Variants in NHS observed in about 807,000 individuals in gnomAD.
The protein encoded by NHS is NHS actin remodeling regulator.
In NHS, 5 loss-of-function variants were observed where a neutral mutation model predicts 72.5. The observed-to-expected ratio is 0.07, with a 90% CI of 0.04 to 0.14. NHS has a LOEUF of 0.14. Ranked by LOEUF, NHS falls within the 10% of genes least tolerant of loss-of-function variation. The pLI, the probability that NHS is intolerant of heterozygous loss-of-function variation, is 1.00. For synonymous variants in NHS, 464 were observed against 547.7 expected (o/e 0.85, Z 2.13); for missense variants, 1,072 against 1,355.7 (o/e 0.79, Z 3.29).
intron 1 of NHS, among the ~76,000 whole-genome samples, chrX:17,662,361 C>T (rs1267802646): frequency 3.6e-5 from 4 of 111,795 alleles, no homozygotes; most frequent in Non-Finnish European, 7.5e-5. Context: ...TTACAACATC[C>T]CCCAAAGTTG....
At chrX:17,480,541 C>T (rs2064942134) in intron 1 of NHS, among the ~76,000 whole-genome samples, 1 of 111,932 alleles carries the variant, frequency 8.9e-6, no homozygotes, top group Non-Finnish European at 1.9e-5. Flanking sequence ...AAAGGATTCC[C>T]TATTTAATAA....
intron 1 of NHS, chrX:17,557,326 G>GATATATATATAT (rs61711287): frequency 5.2e-4 from 50 of 96,106 alleles, no homozygotes; most frequent in African/African-American, 1.5e-3. Flanking sequence ...GAGATTCTGT[G>GATATATATATAT]ATATATATAT....
chrX:17,724,840 T>C (rs773526086), intron 6 of NHS, among the ~76,000 whole-genome samples: 2 of 112,268 alleles, frequency 1.8e-5, no homozygotes, highest in African/African-American at 3.2e-5. Context: ...ATATTGAATA[T>C]TGATAATATG....
At chrX:17,447,352 G>A (rs916547494) in intron 1 of NHS, among the ~76,000 whole-genome samples, 7 of 111,313 alleles carry the variant, frequency 6.3e-5, no homozygotes, top group South Asian at 3.8e-4. Flanking sequence ...TTAATTTTAC[G>A]AAATAATTCA....
chrX:17,698,636 AAGACAGTCAGACCAATATCACTCATG>A, intron 3 of NHS, among the ~76,000 whole-genome samples: 1 of 112,133 alleles, frequency 8.9e-6, no homozygotes, highest in East Asian at 2.8e-4. Context: ...TGAACTGATA[AAGACAGTCAGACCAATATCACTCATG>A]ATTATTGATT....
chrX:17,456,818 A>G lies in NHS; in HGVS notation c.565+80496A>G, dbSNP rs191228261. Among the ~76,000 whole-genome samples the G allele has an allele frequency of 1.6e-4, 18 of 111,927 alleles. No individual in the cohort carries two copies. In the East Asian group the frequency reaches 5.1e-3, roughly 32 times the overall value. ...GGCCTGGACTCAAGCCATCACAGCA[A>G]TGGCTCTGATTTGTAAATGGGTTGG... is the stretch of plus-strand genomic sequence containing the variant. On this transcript the variant is annotated intron_variant, in intron 1 of 8. Transcript: ENST00000676302.
intron 1 of NHS, among the ~76,000 whole-genome samples, chrX:17,646,905 A>C (rs913455093): frequency 6.2e-5 from 7 of 112,159 alleles, no homozygotes; most frequent in African/African-American, 2.3e-4. Context: ...ACCTTGCAAG[A>C]GTAGACTAAA....
chrX:17,656,018 C>T (rs1337011073), intron 1 of NHS, among the ~76,000 whole-genome samples: 2 of 113,200 alleles, frequency 1.8e-5, no homozygotes, highest in African/African-American at 6.4e-5. Flanking sequence ...GAATGCAGTC[C>T]TAACGCAACA....
intron 1 of NHS, among the ~76,000 whole-genome samples, chrX:17,674,020 G>T (rs1440269232): frequency 9.0e-6 from 1 of 111,696 alleles, no homozygotes; most frequent in African/African-American, 3.3e-5. Flanking sequence ...TAAACTGCTT[G>T]ACGGCACTGA....
At chrX:17,578,426 A>G (rs919509102) in intron 1 of NHS, among the ~76,000 whole-genome samples, 4 of 112,053 alleles carry the variant, frequency 3.6e-5, no homozygotes, top group African/African-American at 6.5e-5. Context: ...TCGAGGCCCA[A>G]CTGCCGGGGT....
intron 1 of NHS, among the ~76,000 whole-genome samples, chrX:17,389,703 G>T (rs973337313): frequency 1.8e-5 from 2 of 110,213 alleles, no homozygotes; most frequent in African/African-American, 6.6e-5. Context: ...CCGGGTTCAA[G>T]CAATTCTCCT....
intron 1 of NHS, among the ~76,000 whole-genome samples, chrX:17,598,456 CA>C (rs2065634876): frequency 8.9e-6 from 1 of 112,362 alleles, no homozygotes; most frequent in Admixed American, 9.4e-5. Context: ...AGTGTGCCCC[CA>C]CAAAGAAAAC....
chrX:17,407,261 T>C (rs949845984), intron 1 of NHS, among the ~76,000 whole-genome samples: 2 of 111,897 alleles, frequency 1.8e-5, no homozygotes, highest in Non-Finnish European at 3.8e-5. Context: ...TGTTGTTTTT[T>C]TAATACTATA....
chrX:17,382,015 A>C (rs2064380450), intron 1 of NHS, among the ~76,000 whole-genome samples: 1 of 112,414 alleles, frequency 8.9e-6, no homozygotes, highest in Non-Finnish European at 1.9e-5. Flanking sequence ...ATGGCTTGTG[A>C]GACTGAACAC....
chrX:17,541,556 A>G (rs780948771), intron 1 of NHS, among the ~76,000 whole-genome samples: 1 of 111,619 alleles, frequency 9.0e-6, no homozygotes, highest in Admixed American at 9.5e-5. Flanking sequence ...TACTTTACAG[A>G]TAACATTTAT....
chrX:17,602,785 C>T (rs2065657527), intron 1 of NHS, among the ~76,000 whole-genome samples: 1 of 103,060 alleles, frequency 9.7e-6, no homozygotes, highest in African/African-American at 3.6e-5. Context: ...CATTTTTAAA[C>T]TTTTAATAGA....
In NHS at chrX:17,728,580, C is replaced by A. The variant is rs997087977; in HGVS notation, c.4223-69C>A. The A allele has an allele frequency of 7.9e-6, 9 of 1,140,378 alleles. No individual in the cohort carries two copies. In the African/African-American group the frequency reaches 2.0e-4, roughly 25 times the overall value. The allele number at this position is 1,140,378 out of a possible 1,213,427, so 94.0% of individuals were successfully genotyped here. ...GTTTGTTTGTTTGTTTGTTTGTTCC[C>A]TGAGTCAGTGAAGTACAGTAGCGTG... On this transcript the variant is annotated intron_variant, in intron 7 of 8. Coordinates refer to ENST00000676302, the MANE Select transcript of NHS (RefSeq NM_001291867.2).
At chrX:17,586,631 A>C (rs1020444208) in intron 1 of NHS, 10 of 112,140 alleles carry the variant, frequency 8.9e-5, no homozygotes, top group African/African-American at 3.2e-4. Flanking sequence ...AATGTTGCTA[A>C]TGTTGCTTGA....
In NHS at chrX:17,599,092, G is replaced by A. The variant is rs147855887; in HGVS notation, c.566-88650G>A. Among the ~76,000 whole-genome samples, 804 of 112,133 alleles carry A rather than the reference G, an allele frequency of 7.2e-3. 3 individuals carry two copies. Among genetic ancestry groups the A allele is most frequent in the Non-Finnish European group, 0.011 (562 of 53,212 alleles). On this transcript the variant is annotated intron_variant, in intron 1 of 8. Coordinates refer to ENST00000676302, the MANE Select transcript of NHS (RefSeq NM_001291867.2). Reference sequence around the variant, plus strand: ...CAAATTTCCTTCTTTTTGTTGCTTTGTAGTATTTCATTTTCTGAACATATC... The same window carrying A: ...CAAATTTCCTTCTTTTTGTTGCTTTATAGTATTTCATTTTCTGAACATATC...
Sources: allele counts gnomAD v4.1 joint callset (sites outside exome capture counted in the v4.1 genomes callset), GRCh38; gene constraint gnomAD v4.1.1; transcripts MANE v1.5; gene names NCBI Gene and HGNC (gene_info 2026-07-23, HGNC 2026-07-21).